Variants in ACAT1 observed in about 807,000 individuals in gnomAD.
ACAT1 encodes the protein acetyl-CoA acetyltransferase 1, also known as acetyl-CoA acetyltransferase, mitochondrial.
ACAT1 carries 28 observed loss-of-function variants against 47.3 expected under a neutral mutation model. That is an observed-to-expected ratio of 0.59 (90% CI 0.44 to 0.81). ACAT1 has a LOEUF of 0.81. ACAT1 is among the 30% of genes least tolerant of loss of function. The pLI is 0.00. For synonymous variants in ACAT1, 181 were observed against 173.6 expected (o/e 1.04, Z -0.34); for missense variants, 469 against 524.3 (o/e 0.89, Z 1.03).
chr11:108,134,131 C>A (rs1300242426), intron 3 of ACAT1, 90 bp from the exon 4 acceptor site: 2 of 1,296,116 alleles, frequency 1.5e-6, no homozygotes, highest in African/African-American at 1.5e-5. Flanking sequence ...GAAACCATTC[C>A]TATTGTGTAA....
upstream of ACAT1, chr11:108,121,527 G>A: frequency 6.9e-7 from 1 of 1,454,600 alleles, no homozygotes; most frequent in East Asian, 2.5e-5. Context: ...CGGTGCCCGC[G>A]CCGGGCCGCT....
rs193286952 is a variant in ACAT1 at position 108,147,219 on chromosome 11, A to C, written c.1164-51A>C. The C allele has an allele frequency of 2.5e-6, 4 of 1,603,106 alleles. No individual in the cohort carries two copies. The East Asian group carries it at 6.7e-5, about 27-fold the overall frequency. On this transcript the variant is annotated intron_variant, in intron 11 of 11. Coordinates refer to ENST00000265838, the MANE Select transcript of ACAT1 (RefSeq NM_000019.4). ...AAATTGGAATAGAAACATTTTGGTT[A>C]GTCATAAATTCTGTACTTCATTAAA...
chr11:108,121,395 C>G (rs1439257081), upstream of ACAT1: 1 of 618,574 alleles, frequency 1.6e-6, no homozygotes, highest in African/African-American at 1.8e-5. Flanking sequence ...CCATCCACGT[C>G]CTTCACTCGT....
At chr11:108,137,416 C>T (rs776388770) in intron 5 of ACAT1, among the ~76,000 whole-genome samples, 5 of 151,942 alleles carry the variant, frequency 3.3e-5, no homozygotes, top group East Asian at 1.9e-4. Flanking sequence ...ATCTAAGGTG[C>T]GAAATGATCA....
At chr11:108,121,336 C>G (rs2077143422), upstream of ACAT1, 3 of 566,090 alleles carry the variant, frequency 5.3e-6, no homozygotes, top group East Asian at 3.0e-5. Context: ...TTGGTGGACA[C>G]GGGAGCCAGC....
chr11:108,124,067 G>T (rs1004806049), intron 1 of ACAT1, among the ~76,000 whole-genome samples: 1 of 152,170 alleles, frequency 6.6e-6, no homozygotes, highest in Non-Finnish European at 1.5e-5. Context: ...CCACTGGAAG[G>T]CACCAGTGGA....
In ACAT1 at chr11:108,121,640, G is replaced by T. The variant is rs764674778; in HGVS notation, c.34G>T (p.Ala12Ser). 4 of 1,550,422 alleles carry T rather than the reference G, an allele frequency of 2.6e-6. No individual in the cohort carries two copies. Among genetic ancestry groups the T allele is most frequent in the Non-Finnish European group, 3.5e-6 (4 of 1,147,554 alleles). Residue 12 changes from alanine to serine, a missense_variant, in exon 1 of 12, where the codon GCC (alanine) becomes TCC (serine). Coordinates refer to ENST00000265838, the MANE Select transcript of ACAT1 (RefSeq NM_000019.4). ...GCTGGCGGCACTTCTGCGCAGCGGC[G>T]CCCGCAGCCGCAGCCCCCTGCTCCG... ...AVLAALLRSG[A>S]RSRSPLLRRL...
At chr11:108,134,032 ATAACT>A (rs2077413170) in intron 3 of ACAT1, 95 bp downstream of exon 3, 4 of 1,245,336 alleles carry the variant, frequency 3.2e-6, no homozygotes, top group East Asian at 2.3e-5. Flanking sequence ...ACACTTAGAA[ATAACT>A]TAATGCCTAC....
chr11:108,135,721 G>A (rs1376893858), intron 5 of ACAT1, among the ~76,000 whole-genome samples: 4 of 151,978 alleles, frequency 2.6e-5, no homozygotes, highest in Non-Finnish European at 5.9e-5. Flanking sequence ...CCAGCTACTC[G>A]GGAAGCTGAG....
Position 108,134,243 on chromosome 11 carries a change from A to G in ACAT1, c.261A>G (p.Lys87=), listed in dbSNP as rs1181975968. The change falls in exon 4 of 12, where the codon AAA becomes AAG. Residue 87 remains lysine, a synonymous_variant. Transcript: ENST00000265838. Reference sequence around the variant, plus strand: ...AAGGGATTCCAAAAGAAGAAGTGAAAGAAGCATACATGGGTAATGTTCTAC... The same window carrying G: ...AAGGGATTCCAAAAGAAGAAGTGAAGGAAGCATACATGGGTAATGTTCTAC... ...EKAGIPKEEV[K]EAYMGNVLQG... The G allele has an allele frequency of 6.2e-7, 1 of 1,613,390 alleles. No individual in the cohort carries two copies. Among genetic ancestry groups the G allele is most frequent in the Non-Finnish European group, 8.5e-7 (1 of 1,179,758 alleles).
chr11:108,127,339 A>C (rs1591356149), intron 1 of ACAT1, among the ~76,000 whole-genome samples: 1 of 147,630 alleles, frequency 6.8e-6, no homozygotes, highest in East Asian at 2.0e-4. Flanking sequence ...ATCTTGGCTT[A>C]CTGCAAGCTC....
intron 2 of ACAT1, 76 bp downstream of exon 2, chr11:108,132,030 T>C (rs1371483560): frequency 6.6e-6 from 6 of 914,922 alleles, no homozygotes; most frequent in African/African-American, 3.3e-5. Context: ...TACTTATGAT[T>C]TGGATACATG....
At chr11:108,122,095 C>CT (rs1565281519) in intron 1 of ACAT1, among the ~76,000 whole-genome samples, 1 of 152,160 alleles carries the variant, frequency 6.6e-6, no homozygotes, top group East Asian at 1.9e-4. Context: ...GGTTCCTTTT[C>CT]TTTTTTAATA....
At position 108,131,909 on chromosome 11, in the gene ACAT1, A is replaced by T. The variant is rs1167042233; in HGVS notation, c.75A>T (p.Glu25Asp). ...RSPLLRRLVQ[E>D]IRYVERSYVS... ...CATTATAAATATTTATATTACAGGA[A>T]ATAAGATATGTGGAACGGAGTTATG... Residue 25 changes from glutamate to aspartate, a missense_variant and splice_region_variant, in exon 2 of 12, where the codon GAA (glutamate) becomes GAT (aspartate). Coordinates refer to ENST00000265838, the MANE Select transcript of ACAT1 (RefSeq NM_000019.4). 5.1e-6 allele frequency: 7 copies of T among 1,368,340 alleles called. No homozygotes were observed. The highest frequency in any genetic ancestry group is 7.2e-6 in the Non-Finnish European group (7 of 976,924). The allele number at this position is 1,368,340 out of a possible 1,614,324, so 84.8% of individuals were successfully genotyped here.
upstream of ACAT1, among the ~76,000 whole-genome samples, chr11:108,119,616 A>G (rs1323267794): frequency 6.6e-6 from 1 of 150,806 alleles, no homozygotes; most frequent in Non-Finnish European, 1.5e-5. Context: ...TTAACAATTC[A>G]ACTTTTTCAG....
At chr11:108,143,752 C>T (rs945073807) in intron 9 of ACAT1, 1 of 400,222 alleles carries the variant, frequency 2.5e-6, no homozygotes, top group Non-Finnish European at 4.6e-6. Context: ...CTAGGTGGTG[C>T]CAATGTTCCT....
chr11:108,138,778 G>A, intron 5 of ACAT1, 120 bp from the exon 6 acceptor site: 2 of 1,125,374 alleles, frequency 1.8e-6, no homozygotes, highest in Admixed American at 1.7e-5. Context: ...TGTATTCACT[G>A]TGTAACAAAT....
chr11:108,138,334 G>C (rs1591366718), intron 5 of ACAT1, among the ~76,000 whole-genome samples: 2 of 149,164 alleles, frequency 1.3e-5, no homozygotes, highest in East Asian at 4.1e-4. Context: ...TTGAGACAGA[G>C]CCTTGCTGTC....
intron 9 of ACAT1, chr11:108,143,012 T>C (rs764356155): frequency 4.0e-5 from 7 of 175,608 alleles, no homozygotes; most frequent in Non-Finnish European, 8.7e-5. Flanking sequence ...TTATACTTTA[T>C]ATAAGATTAA....
Sources: gnomAD v4.1 joint callset for allele counts (sites outside exome capture counted in the v4.1 genomes callset) on GRCh38, gnomAD v4.1.1 for gene constraint, MANE v1.5 for transcripts, NCBI Gene and HGNC (gene_info 2026-07-23, HGNC 2026-07-21) for gene names.